The following FRMD4A variants were observed in gnomAD, a reference collection of about 807,000 sequenced individuals.
The protein encoded by FRMD4A is FERM domain-containing protein 4A.
Under a neutral mutation model 129.1 loss-of-function variants are expected in FRMD4A, and 29 were observed. That is an observed-to-expected ratio of 0.22 (90% CI 0.17 to 0.31). The LOEUF (loss-of-function observed/expected upper bound fraction) is 0.31, where lower values mean the gene tolerates loss of function less well. Among genes scored for constraint, FRMD4A ranks in the 10% least tolerant of loss-of-function variants. FRMD4A has a pLI of 1.00. For missense variants in FRMD4A, 1,272 were observed against 1,375.8 expected (o/e 0.92, Z 1.19); for synonymous variants, 634 against 571.6 (o/e 1.11, Z -1.56).
At chr10:13,795,847 G>C (rs2093105420) in intron 5 of FRMD4A, among the ~76,000 whole-genome samples, 1 of 152,172 alleles carries the variant, frequency 6.6e-6, no homozygotes, top group Non-Finnish European at 1.5e-5. Flanking sequence ...AACGGAAGTG[G>C]TAAGTCCTGT....
chr10:14,240,867 T>C (rs1844016604), intron 2 of FRMD4A, among the ~76,000 whole-genome samples: 1 of 150,820 alleles, frequency 6.6e-6, no homozygotes, highest in Non-Finnish European at 1.5e-5. Flanking sequence ...AGGAAAAAAG[T>C]CCATTATTAA....
rs139519831 is a variant in FRMD4A, at chr10:13,768,459, C to A, written c.385-5779G>T. On this transcript the variant is annotated intron_variant, in intron 6 of 24. Coordinates refer to ENST00000357447, the MANE Select transcript of FRMD4A (RefSeq NM_018027.5). ...CAGGAATTCCAACTCTCATGTAAGACAAATGAGATAATTCCGTGAGAAAAT... is the reference window on the plus strand; with the variant it reads ...CAGGAATTCCAACTCTCATGTAAGAAAAATGAGATAATTCCGTGAGAAAAT... Among the ~76,000 whole-genome samples, 31 of 152,272 alleles carry A rather than the reference C, an allele frequency of 2.0e-4. 3 individuals are homozygous for A. Among genetic ancestry groups the A allele is most frequent in the African/African-American group, 7.5e-4 (31 of 41,544 alleles).
intron 2 of FRMD4A, among the ~76,000 whole-genome samples, chr10:13,904,106 T>C (rs2094852451): frequency 1.3e-5 from 2 of 152,184 alleles, no homozygotes; most frequent in Non-Finnish European, 2.9e-5. Flanking sequence ...CACCAGGCAC[T>C]GGTGGGGGCT....
chr10:13,822,008 A>G (rs2093636535), intron 3 of FRMD4A, among the ~76,000 whole-genome samples: 1 of 152,162 alleles, frequency 6.6e-6, no homozygotes, highest in Admixed American at 6.5e-5. Context: ...AAAGTACATC[A>G]AGGAAAGGGG....
intron 2 of FRMD4A, among the ~76,000 whole-genome samples, chr10:14,009,455 C>T (rs2095673521): frequency 6.6e-6 from 1 of 152,146 alleles, no homozygotes; most frequent in African/African-American, 2.4e-5. Flanking sequence ...ACGCTCTGGG[C>T]ACCAGCTTTG....
At chr10:14,026,671 T>C (rs574440530) in intron 2 of FRMD4A, among the ~76,000 whole-genome samples, 135 of 152,338 alleles carry the variant, frequency 8.9e-4, no homozygotes, top group Middle Eastern at 3.4e-3. Context: ...ATGTCTGAAA[T>C]TGATTCAATA....
chr10:13,692,175 G>A (rs999208178), intron 15 of FRMD4A: 3 of 108,256 alleles, frequency 2.8e-5, no homozygotes, highest in South Asian at 3.2e-4. Flanking sequence ...TTGAGACAGA[G>A]TCTTGCTCTG....
At chr10:13,797,250 G>C (rs972868998) in intron 4 of FRMD4A, among the ~76,000 whole-genome samples, 1 of 152,120 alleles carries the variant, frequency 6.6e-6, no homozygotes, top group Non-Finnish European at 1.5e-5. Context: ...CTTTTTTCCT[G>C]AAGGACTGAA....
intron 12 of FRMD4A, among the ~76,000 whole-genome samples, chr10:13,709,876 A>G (rs1007168804): frequency 6.0e-5 from 9 of 149,576 alleles, no homozygotes; most frequent in African/African-American, 1.7e-4. Flanking sequence ...TCTTGTTGCT[A>G]TACGCTTTTT....
intron 2 of FRMD4A, among the ~76,000 whole-genome samples, chr10:14,077,811 T>C (rs963387857): frequency 2.0e-5 from 3 of 152,242 alleles, no homozygotes; most frequent in Admixed American, 1.3e-4. Flanking sequence ...TTGCATCTTC[T>C]GAAATACTGA....
intron 6 of FRMD4A, among the ~76,000 whole-genome samples, chr10:13,770,685 C>G (rs1272909855): frequency 7.9e-5 from 12 of 152,164 alleles, no homozygotes; most frequent in Admixed American, 7.8e-4. Context: ...CTCAAGTAAT[C>G]CTCCTGCCTT....
At position 13,645,656 on chromosome 10, in the gene FRMD4A, GAT is replaced by G. The variant is rs2081075677; in HGVS notation, c.*1380_*1381del. On this transcript the variant is annotated 3_prime_UTR_variant, in exon 25 of 25. Transcript: ENST00000357447. ...TAGACACATGGGCCCTTTGGGAGCT[GAT>G]ATTTTTTTCAACCCTGCTCTGCCTG... The G allele has an allele frequency of 1.3e-5, 2 of 152,504 alleles. No homozygotes were observed. Among genetic ancestry groups the G allele is most frequent in the African/African-American group, 4.8e-5 (2 of 41,438 alleles). 9.4% of individuals were successfully genotyped at this position (152,504 alleles called of 1,614,324 possible). A position where few individuals can be genotyped will look rare whatever the true frequency, so the allele number is the denominator to read the frequency against.
chr10:13,724,023 A>G (rs1427539607), intron 12 of FRMD4A, among the ~76,000 whole-genome samples: 1 of 152,226 alleles, frequency 6.6e-6, no homozygotes, highest in African/African-American at 2.4e-5. Flanking sequence ...GTGATCAGAA[A>G]AGTCATGGGA....
intron 2 of FRMD4A, among the ~76,000 whole-genome samples, chr10:14,310,862 G>T (rs1488949921): frequency 6.6e-6 from 1 of 152,108 alleles, no homozygotes; most frequent in Non-Finnish European, 1.5e-5. Flanking sequence ...TCTCTCTGCA[G>T]GAGAGAGCTC....
At chr10:13,826,749 T>A (rs1209324249) in intron 3 of FRMD4A, among the ~76,000 whole-genome samples, 1 of 152,064 alleles carries the variant, frequency 6.6e-6, no homozygotes, top group Non-Finnish European at 1.5e-5. Context: ...AGAAGAGTAA[T>A]GAAAAAGTAC....
intron 14 of FRMD4A, among the ~76,000 whole-genome samples, chr10:13,697,109 C>T (rs928287734): frequency 2.7e-5 from 4 of 150,886 alleles, no homozygotes; most frequent in Admixed American, 6.6e-5. Context: ...CTAAAGGAGA[C>T]TAGATTCCTG....
chr10:14,150,357 T>C (rs929590641), intron 2 of FRMD4A, among the ~76,000 whole-genome samples: 2 of 152,240 alleles, frequency 1.3e-5, no homozygotes, highest in African/African-American at 4.8e-5. Flanking sequence ...ATAAGTAGTA[T>C]CGGCTTCATT....
chr10:14,229,724 C>G (rs1034569664), intron 2 of FRMD4A, among the ~76,000 whole-genome samples: 1 of 152,164 alleles, frequency 6.6e-6, no homozygotes, highest in Non-Finnish European at 1.5e-5. Context: ...CAGGTGCGAG[C>G]TACTGAACCC....
chr10:13,645,662 T>G lies in FRMD4A; in HGVS notation c.*1376A>C, dbSNP rs1387864046. ...CATGGGCCCTTTGGGAGCTGATATT[T>G]TTTTCAACCCTGCTCTGCCTGTTGG... is the stretch of plus-strand genomic sequence containing the variant. On this transcript the variant is annotated 3_prime_UTR_variant, in exon 25 of 25. Transcript: ENST00000357447. 2.0e-5 allele frequency: 3 copies of G among 152,578 alleles called. No homozygotes were observed. In the East Asian group the frequency reaches 5.8e-4, roughly 29 times the overall value. 9.5% of individuals were successfully genotyped at this position (152,578 alleles called of 1,614,324 possible). A position where few individuals can be genotyped will look rare whatever the true frequency, so the allele number is the denominator to read the frequency against.
Sources: gnomAD v4.1 joint callset for allele counts (sites outside exome capture counted in the v4.1 genomes callset) on GRCh38, gnomAD v4.1.1 for gene constraint, MANE v1.5 for transcripts, NCBI Gene and HGNC (gene_info 2026-07-23, HGNC 2026-07-21) for gene names.